Variants in NTM observed in about 807,000 individuals in gnomAD.
NTM encodes IgLON family member 2.
Under a neutral mutation model 42.1 loss-of-function variants are expected in NTM, and 13 were observed. The ratio of observed to expected loss-of-function variants is 0.31; its 90% CI spans 0.20 to 0.49. The LOEUF (loss-of-function observed/expected upper bound fraction) is 0.49. NTM is among the 20% of genes least tolerant of loss of function. NTM has a pLI of 0.99. For missense variants in NTM, 373 were observed against 452.8 expected (o/e 0.82, Z 1.60); for synonymous variants, 187 against 179.2 (o/e 1.04, Z -0.35).
intron 1 of NTM, among the ~76,000 whole-genome samples, chr11:131,686,040 G>A (rs1195065364): frequency 6.6e-6 from 1 of 152,120 alleles, no homozygotes; most frequent in East Asian, 1.9e-4. Context: ...AACACATAAG[G>A]GGCTAAACAG....
At chr11:132,179,759 A>G (rs535028128) in intron 3 of NTM, among the ~76,000 whole-genome samples, 1 of 152,294 alleles carries the variant, frequency 6.6e-6, no homozygotes, top group South Asian at 2.1e-4. Flanking sequence ...AGTGGAATGT[A>G]TCTTTACCAG....
chr11:132,046,186 C>T (rs1023959116), intron 2 of NTM, among the ~76,000 whole-genome samples: 5 of 152,082 alleles, frequency 3.3e-5, no homozygotes, highest in African/African-American at 9.7e-5. Flanking sequence ...AAGTAATATG[C>T]GTGAAGTGCT....
intron 2 of NTM, among the ~76,000 whole-genome samples, chr11:132,025,240 G>A (rs1565973413): frequency 1.3e-5 from 2 of 152,132 alleles, no homozygotes; most frequent in Non-Finnish European, 2.9e-5. Flanking sequence ...TTGGGCTCAC[G>A]GTAAGGGAAA....
chr11:131,929,701 C>G (rs1156397126), intron 2 of NTM, among the ~76,000 whole-genome samples: 2 of 152,054 alleles, frequency 1.3e-5, no homozygotes, highest in South Asian at 2.1e-4. Flanking sequence ...CACACTGATT[C>G]ACAAAGTAAG....
intron 1 of NTM, among the ~76,000 whole-genome samples, chr11:131,713,312 T>C (rs2077366260): frequency 6.6e-6 from 1 of 152,192 alleles, no homozygotes; most frequent in Admixed American, 6.5e-5. Flanking sequence ...AAGGGTCTTG[T>C]TGTCCCTTAG....
In NTM at chr11:131,789,882, G is replaced by A. The variant is rs1472454085; in HGVS notation, c.83-121682G>A. Among the ~76,000 whole-genome samples, 5 of 149,314 alleles carry A rather than the reference G, an allele frequency of 3.3e-5. No individual in the cohort carries two copies. In the South Asian group the frequency reaches 6.3e-4, roughly 19 times the overall value. On this transcript the variant is annotated intron_variant, in intron 1 of 8. Coordinates refer to ENST00000683400, the MANE Select transcript of NTM (RefSeq NM_001352005.2). ...GAGGCAGGAGAATGGCGTGAACCCG[G>A]GAGGCGGAGCTTGCAGTGAGCCGAG...
intron 2 of NTM, among the ~76,000 whole-genome samples, chr11:132,082,928 C>A (rs973607662): frequency 6.6e-6 from 1 of 152,162 alleles, no homozygotes; most frequent in Non-Finnish European, 1.5e-5. Flanking sequence ...AGGCTGCTGG[C>A]AGGCTCAGAT....
At chr11:131,697,904 T>G (rs1176481655) in intron 1 of NTM, among the ~76,000 whole-genome samples, 2 of 152,142 alleles carry the variant, frequency 1.3e-5, no homozygotes, top group African/African-American at 4.8e-5. Flanking sequence ...GAACTAGAAC[T>G]CGTGTGTGGC....
rs573670736 is a variant in NTM, at chr11:132,049,067, T to C, written c.168-97215T>C. 7.9e-5 allele frequency among the ~76,000 whole-genome samples: 12 copies of C among 152,204 alleles called. No individual in the cohort carries two copies. The East Asian group carries it at 1.9e-3, about 25-fold the overall frequency. ...CGATTTTTCAGATATGACCAGGTCA[T>C]AGGAAATGCAATTGAAGGGAAATAT... On this transcript the variant is annotated intron_variant, in intron 2 of 8. Coordinates refer to ENST00000683400, the MANE Select transcript of NTM (RefSeq NM_001352005.2).
chr11:132,326,443 T>C (rs1191546462), intron 7 of NTM, among the ~76,000 whole-genome samples: 1 of 152,102 alleles, frequency 6.6e-6, no homozygotes, highest in Non-Finnish European at 1.5e-5. Flanking sequence ...GAAACACAAA[T>C]TGAAAGCAAA....
intron 1 of NTM, among the ~76,000 whole-genome samples, chr11:131,608,085 C>G (rs1444198903): frequency 6.6e-6 from 1 of 152,078 alleles, no homozygotes; most frequent in East Asian, 1.9e-4. Context: ...TGTGATGTTC[C>G]CCTTCCTGTG....
At chr11:132,129,597 A>C (rs1205601596) in intron 2 of NTM, among the ~76,000 whole-genome samples, 2 of 152,240 alleles carry the variant, frequency 1.3e-5, no homozygotes, top group Non-Finnish European at 2.9e-5. Flanking sequence ...GGTTAGCTTC[A>C]GTTAATCTAC....
At chr11:131,951,819 C>T (rs2061019011) in intron 2 of NTM, among the ~76,000 whole-genome samples, 2 of 67,342 alleles carry the variant, frequency 3.0e-5, no homozygotes, top group African/African-American at 6.7e-5. Context: ...AAGACTCCGT[C>T]TCAAAAAAAA....
At chr11:131,530,318 T>C (rs948210144) in intron 1 of NTM, among the ~76,000 whole-genome samples, 1 of 151,590 alleles carries the variant, frequency 6.6e-6, no homozygotes, top group Non-Finnish European at 1.5e-5. Flanking sequence ...CCTTTTTAAA[T>C]CTACTTTCTA....
chr11:131,643,450 G>A (rs1469214651), intron 1 of NTM, among the ~76,000 whole-genome samples: 1 of 152,210 alleles, frequency 6.6e-6, no homozygotes. Flanking sequence ...AGGGGATGAA[G>A]GCTGTTAGTG....
intron 2 of NTM, among the ~76,000 whole-genome samples, chr11:132,140,223 T>C (rs4468361): frequency 0.65 from 98,345 of 151,870 alleles, 32,187 homozygotes; most frequent in Non-Finnish European, 0.67. Flanking sequence ...CTATTCTCTT[T>C]GCTCTCCCGG....
chr11:132,222,022 A>G (rs1286432056), intron 4 of NTM, among the ~76,000 whole-genome samples: 2 of 152,276 alleles, frequency 1.3e-5, no homozygotes, highest in East Asian at 3.9e-4. Context: ...GGTTATGCAC[A>G]TTCTCACAGC....
chr11:131,926,042 AG>A, intron 2 of NTM, among the ~76,000 whole-genome samples: 1 of 152,202 alleles, frequency 6.6e-6, no homozygotes, highest in East Asian at 1.9e-4. Flanking sequence ...GAGCTGTTCT[AG>A]GTGCTAAGTT....
chr11:131,517,549 C>T (rs1434786926), intron 1 of NTM, among the ~76,000 whole-genome samples: 2 of 152,274 alleles, frequency 1.3e-5, no homozygotes, highest in East Asian at 3.9e-4. Context: ...CAGATATGCC[C>T]TCTCCACAGC....
Sources: allele counts gnomAD v4.1 joint callset (sites outside exome capture counted in the v4.1 genomes callset), GRCh38; gene constraint gnomAD v4.1.1; transcripts MANE v1.5; gene names NCBI Gene and HGNC (gene_info 2026-07-23, HGNC 2026-07-21).